The following GDPD4 variants were observed in gnomAD, a reference collection of about 807,000 sequenced individuals.
GDPD4 encodes the protein glycerophosphodiester phosphodiesterase 6.
A neutral mutation model predicts 67.8 loss-of-function variants in GDPD4; 60 were observed. The observed-to-expected ratio is 0.88, with a 90% CI of 0.72 to 1.10. The LOEUF is 1.10. Among genes scored for constraint, GDPD4 ranks in the 50% least tolerant of loss-of-function variants. The pLI, the probability that GDPD4 is intolerant of heterozygous loss-of-function variation, is 0.00. For synonymous variants in GDPD4, 212 were observed against 210.9 expected, an observed-to-expected ratio of 1.00 and a Z score of -0.04; for missense variants, 623 against 613.9, an observed-to-expected ratio of 1.01 and a Z score of -0.16.
intron 10 of GDPD4, 70 bp downstream of exon 10, chr11:77,268,387 C>G: frequency 9.5e-7 from 1 of 1,049,794 alleles, no homozygotes; most frequent in Non-Finnish European, 1.5e-6. Context: ...AACCTCAGGC[C>G]AGGCTGGTTC....
intron 16 of GDPD4, among the ~76,000 whole-genome samples, chr11:77,218,715 G>A (rs1381259561): frequency 6.6e-6 from 1 of 152,176 alleles, no homozygotes; most frequent in African/African-American, 2.4e-5. Flanking sequence ...CAAAGGACAT[G>A]AACTCATCCT....
chr11:77,298,282 C>T (rs1001420040), intron 1 of GDPD4, among the ~76,000 whole-genome samples: 5 of 152,124 alleles, frequency 3.3e-5, no homozygotes, highest in African/African-American at 7.2e-5. Context: ...GAGGCCAAGG[C>T]GGGCAGATCA....
intron 16 of GDPD4, chr11:77,224,402 A>ATTTAC (rs1239069138): frequency 6.6e-6 from 1 of 152,044 alleles, no homozygotes; most frequent in African/African-American, 2.4e-5. Flanking sequence ...TACTCCAATG[A>ATTTAC]TTTACATTAC....
At chr11:77,222,409 C>A (rs1958245095) in intron 16 of GDPD4, among the ~76,000 whole-genome samples, 1 of 152,136 alleles carries the variant, frequency 6.6e-6, no homozygotes, top group Admixed American at 6.5e-5. Context: ...TCTTTTAGGG[C>A]AGGCCTGGTG....
intron 15 of GDPD4, 88 bp from the exon 16 acceptor site, chr11:77,228,004 C>T: frequency 2.2e-6 from 2 of 892,740 alleles, no homozygotes; most frequent in South Asian, 2.6e-5. Flanking sequence ...CTTCTTCCCC[C>T]TTCCATCTTG....
chr11:77,224,756 G>A (rs1245160121), intron 16 of GDPD4, among the ~76,000 whole-genome samples: 1 of 152,158 alleles, frequency 6.6e-6, no homozygotes, highest in African/African-American at 2.4e-5. Context: ...TAATACATTT[G>A]TATAGTGTTA....
At position 77,216,770 on chromosome 11, in the gene GDPD4, A is replaced by T. The variant is rs1040175690; in HGVS notation, c.*507T>A. Reference sequence around the variant, plus strand: ...GTGGCCCTTCTGTGTGCCTTTATCAACCACTCCCCACCATCACCACCCTTA... The same window carrying T: ...GTGGCCCTTCTGTGTGCCTTTATCATCCACTCCCCACCATCACCACCCTTA... On this transcript the variant is annotated 3_prime_UTR_variant, in exon 17 of 17. Transcript: ENST00000315938. The T allele has an allele frequency of 1.3e-5, 8 of 601,244 alleles. No homozygotes were observed. The highest frequency in any genetic ancestry group is 2.1e-5 in the Non-Finnish European group (7 of 339,266). The allele number at this position is 601,244 out of a possible 1,614,324, so 37.2% of individuals were successfully genotyped here. A position where few individuals can be genotyped will look rare whatever the true frequency, so the allele number is the denominator to read the frequency against.
chr11:77,241,982 GT>G (rs1242520153), intron 13 of GDPD4, among the ~76,000 whole-genome samples: 5 of 152,032 alleles, frequency 3.3e-5, no homozygotes, highest in Admixed American at 3.3e-4. Flanking sequence ...AGAGTAGAAT[GT>G]TGGTTACCAA....
At chr11:77,220,833 C>G (rs1958211184) in intron 16 of GDPD4, among the ~76,000 whole-genome samples, 1 of 139,786 alleles carries the variant, frequency 7.2e-6, no homozygotes, top group Admixed American at 7.0e-5. Context: ...TCCGTCTGGT[C>G]CTGGACTTTT....
chr11:77,216,674 T>G lies in GDPD4; in HGVS notation c.*603A>C. 1.9e-6 allele frequency: 1 copy of G among 521,026 alleles called. No individual in the cohort carries two copies. Among genetic ancestry groups the G allele is most frequent in the Non-Finnish European group, 3.4e-6 (1 of 291,318 alleles). 32.3% of individuals were successfully genotyped at this position (521,026 alleles called of 1,614,324 possible). The stretch of plus-strand genomic sequence containing the variant: ...CCAGTTCCAAGACCACACACAGCAG[T>G]TTTCCCCTTGCCTAGCCCCTTGAGA... On this transcript the variant is annotated 3_prime_UTR_variant, in exon 17 of 17. Transcript: ENST00000315938.
intron 1 of GDPD4, among the ~76,000 whole-genome samples, chr11:77,292,610 TAATTA>T (rs1473032062): frequency 2.0e-5 from 3 of 151,932 alleles, no homozygotes; most frequent in South Asian, 2.1e-4. Context: ...TAACAATGGA[TAATTA>T]AATAGAAAAA....
At chr11:77,235,366 A>T (rs1958541589) in intron 13 of GDPD4, among the ~76,000 whole-genome samples, 1 of 152,112 alleles carries the variant, frequency 6.6e-6, no homozygotes, top group Non-Finnish European at 1.5e-5. Flanking sequence ...GCCCTACAAT[A>T]ATTAAAACAA....
chr11:77,269,822 T>C, intron 8 of GDPD4, 61 bp downstream of exon 8: 1 of 878,118 alleles, frequency 1.1e-6, no homozygotes, highest in Non-Finnish European at 1.8e-6. Flanking sequence ...TACCCATTTG[T>C]ACATTTTCAA....
At chr11:77,252,054 G>GTTTGTTTT (rs1565523210) in intron 11 of GDPD4, among the ~76,000 whole-genome samples, 6 of 42,338 alleles carry the variant, frequency 1.4e-4, no homozygotes, top group African/African-American at 3.2e-4. Flanking sequence ...TTGTTTGTTT[G>GTTTGTTTT]TTTTTTTTTT....
At position 77,269,892 on chromosome 11, in the gene GDPD4, T is replaced by A. The variant is rs1174079289; in HGVS notation, c.469A>T (p.Arg157Trp). Reference sequence around the variant, plus strand: ...AGTCTCCAGCTCTAACCTCTTAACCTTGTGATTACATTACATTGCTTGAGT... The same window carrying A: ...AGTCTCCAGCTCTAACCTCTTAACCATGTGATTACATTACATTGCTTGAGT... The part of the protein sequence containing the change: ...KRLKQCNVIT[R>W]LRGLQVPVGL... Residue 157 changes from arginine (R) to tryptophan (W), a missense_variant, in exon 8 of 17, where the codon AGG becomes TGG. By Grantham distance (101) the Arg-to-Trp change is moderately radical. Transcript: ENST00000315938. The A allele has an allele frequency of 1.9e-6, 3 of 1,571,238 alleles. No homozygotes were observed. Among genetic ancestry groups the A allele is most frequent in the Non-Finnish European group, 2.6e-6 (3 of 1,143,794 alleles).
intron 16 of GDPD4, among the ~76,000 whole-genome samples, 168 bp from the exon 17 acceptor site, chr11:77,217,482 G>A (rs559748280): frequency 1.3e-5 from 2 of 149,750 alleles, no homozygotes; most frequent in African/African-American, 4.9e-5. Context: ...CTTTATTATG[G>A]CCCTCCAATT....
chr11:77,234,106 G>C (rs915843452), intron 13 of GDPD4, among the ~76,000 whole-genome samples: 1 of 152,104 alleles, frequency 6.6e-6, no homozygotes, highest in African/African-American at 2.4e-5. Flanking sequence ...CTCTGTACAA[G>C]CCTGGGTTTG....
intron 11 of GDPD4, among the ~76,000 whole-genome samples, chr11:77,256,644 G>T (rs1275919960): frequency 2.0e-5 from 3 of 152,184 alleles, no homozygotes; most frequent in East Asian, 1.9e-4. Context: ...CATGGGGGCA[G>T]ATCCCTTATG....
chr11:77,225,735 G>C (rs1958320602), intron 16 of GDPD4, among the ~76,000 whole-genome samples: 2 of 152,150 alleles, frequency 1.3e-5, no homozygotes, highest in African/African-American at 4.8e-5. Flanking sequence ...AGGCCTTCTG[G>C]TGGTAGACAT....
Sources: gnomAD v4.1 joint callset for allele counts (sites outside exome capture counted in the v4.1 genomes callset) on GRCh38, gnomAD v4.1.1 for gene constraint, MANE v1.5 for transcripts, NCBI Gene and HGNC (gene_info 2026-07-23, HGNC 2026-07-21) for gene names.